The following ATP2C1 variants were observed in gnomAD, a reference collection of about 807,000 sequenced individuals.
The protein encoded by ATP2C1 is ATPase secretory pathway Ca2+ transporting 1, also known as calcium-transporting ATPase type 2C member 1.
In ATP2C1, 31 loss-of-function variants were observed where a neutral mutation model predicts 120.5. The observed-to-expected ratio is 0.26, with a 90% CI of 0.19 to 0.35. The LOEUF is 0.35. Ranked by LOEUF, ATP2C1 falls within the 10% of genes least tolerant of loss-of-function variation. The pLI is 1.00. For synonymous variants in ATP2C1, 351 were observed against 358.7 expected (o/e 0.98, Z 0.24); for missense variants, 731 against 1,107.5 (o/e 0.66, Z 4.83).
At chr3:130,924,808 G>A (rs1207430639) in intron 2 of ATP2C1, among the ~76,000 whole-genome samples, 3 of 151,788 alleles carry the variant, frequency 2.0e-5, no homozygotes, top group Non-Finnish European at 4.4e-5. Context: ...GGGTTAATTC[G>A]AAAGCATTGT....
At chr3:130,950,140 A>C (rs2060309133) in intron 8 of ATP2C1, among the ~76,000 whole-genome samples, 1 of 152,104 alleles carries the variant, frequency 6.6e-6, no homozygotes, top group Non-Finnish European at 1.5e-5. Flanking sequence ...TATGGGAATA[A>C]TAATCTTGTG....
upstream of ATP2C1, among the ~76,000 whole-genome samples, chr3:130,890,620 G>A (rs1459007816): frequency 6.6e-6 from 1 of 152,192 alleles, no homozygotes; most frequent in South Asian, 2.1e-4. Flanking sequence ...CTGGATCTGG[G>A]TGCTATTAAA....
chr3:130,914,036 C>T (rs970501103), intron 2 of ATP2C1, among the ~76,000 whole-genome samples: 1 of 152,166 alleles, frequency 6.6e-6, no homozygotes, highest in African/African-American at 2.4e-5. Context: ...AGCAGCTTAA[C>T]GGGCAAACCT....
chr3:130,911,410 C>T (rs1304966303), intron 2 of ATP2C1, among the ~76,000 whole-genome samples: 1 of 150,792 alleles, frequency 6.6e-6, no homozygotes, highest in Non-Finnish European at 1.5e-5. Context: ...CTCCTGGATT[C>T]ATTGATTTTT....
At chr3:130,902,766 G>A (rs2057922573) in intron 2 of ATP2C1, among the ~76,000 whole-genome samples, 2 of 151,752 alleles carry the variant, frequency 1.3e-5, no homozygotes, top group South Asian at 2.1e-4. Flanking sequence ...TCTTCATTAG[G>A]TGGCTTTCTT....
At chr3:130,915,150 A>G (rs913171611) in intron 2 of ATP2C1, among the ~76,000 whole-genome samples, 4 of 151,564 alleles carry the variant, frequency 2.6e-5, no homozygotes, top group Middle Eastern at 3.2e-3. Context: ...CTGGAGTGCA[A>G]TGGCGTGATC....
chr3:130,997,519 C>T (rs1026141792), intron 24 of ATP2C1, 87 bp from the exon 25 acceptor site: 7 of 1,253,784 alleles, frequency 5.6e-6, no homozygotes, highest in African/African-American at 3.0e-5. Context: ...TTTAGTTTGC[C>T]GAATAATTGA....
chr3:130,891,051 T>A (rs978821209), upstream of ATP2C1, among the ~76,000 whole-genome samples: 1 of 152,174 alleles, frequency 6.6e-6, no homozygotes, highest in African/African-American at 2.4e-5. Context: ...CACTCCAGCC[T>A]CAGCGACAGA....
At chr3:131,013,296 A>ATATC (rs2063408336) in intron 26 of ATP2C1, among the ~76,000 whole-genome samples, 1 of 152,174 alleles carries the variant, frequency 6.6e-6, no homozygotes, top group African/African-American at 2.4e-5. Context: ...CATGATATGT[A>ATATC]TATCTGATAT....
At position 130,953,753 on chromosome 3, in the gene ATP2C1, GGT is replaced by G; in HGVS notation, c.532-67_532-66del. 2.6e-6 allele frequency: 4 copies of G among 1,519,428 alleles called. No homozygotes were observed. The South Asian group carries it at 4.5e-5, about 17-fold the overall frequency. The allele number at this position is 1,519,428 out of a possible 1,614,324, so 94.1% of individuals were successfully genotyped here. A position where few individuals can be genotyped will look rare whatever the true frequency, so the allele number is the denominator to read the frequency against. On this transcript the variant is annotated intron_variant, in intron 8 of 27. Coordinates refer to ENST00000510168, the MANE Select transcript of ATP2C1 (RefSeq NM_001378687.1). ...GGATGTTTGAGGAAGAAGTGATGAT[GGT>G]TATGAACTCTAGAGATGTTAAATGT...
intron 1 of ATP2C1, among the ~76,000 whole-genome samples, chr3:130,867,447 G>C (rs1288110613): frequency 6.6e-6 from 1 of 150,978 alleles, no homozygotes; most frequent in Non-Finnish European, 1.5e-5. Flanking sequence ...GTGCCGCCAC[G>C]CCTGACTGGT....
chr3:130,979,453 GT>G (rs1168339264), intron 19 of ATP2C1, 34 bp downstream of exon 19: 1 of 1,605,220 alleles, frequency 6.2e-7, no homozygotes, highest in East Asian at 2.2e-5. Context: ...GTTTTCGATA[GT>G]TTTTCTTAAA....
intron 1 of ATP2C1, among the ~76,000 whole-genome samples, chr3:130,856,997 G>A (rs2067863132): frequency 6.6e-6 from 1 of 152,230 alleles, no homozygotes; most frequent in East Asian, 1.9e-4. Context: ...ATAGAGGACA[G>A]AGAGTCTATG....
downstream of ATP2C1, among the ~76,000 whole-genome samples, chr3:131,004,794 A>G (rs984895683): frequency 6.6e-6 from 1 of 152,236 alleles, no homozygotes; most frequent in Non-Finnish European, 1.5e-5. Flanking sequence ...GGTAGGGGCT[A>G]TAAGGAATCT....
rs1477263603 is a variant in ATP2C1, at chr3:131,002,316, G to A, written c.*966G>A. The A allele has an allele frequency of 8.8e-5, 87 of 983,882 alleles. No individual in the cohort carries two copies. The highest frequency in any genetic ancestry group is 9.8e-5 in the Non-Finnish European group (81 of 828,692). The allele number at this position is 983,882 out of a possible 1,614,324, so 60.9% of individuals were successfully genotyped here. A position where few individuals can be genotyped will look rare whatever the true frequency, so the allele number is the denominator to read the frequency against. ...TGTTTTTAATCATATTTCTTAGGAA[G>A]TATAGGCTACTGGACTTAGAATAAA... is the stretch of plus-strand genomic sequence containing the variant. On this transcript the variant is annotated 3_prime_UTR_variant, in exon 28 of 28. Transcript: ENST00000510168.
chr3:130,959,247 G>A (rs188560498), intron 11 of ATP2C1, 28 bp from the exon 12 acceptor site: 5 of 1,561,912 alleles, frequency 3.2e-6, no homozygotes, highest in Non-Finnish European at 3.5e-6. Flanking sequence ...ATGTAAAAGG[G>A]AAAAATAACT....
chr3:130,937,291 T>C (rs1416735022), intron 5 of ATP2C1, 137 bp from the exon 6 acceptor site: 1 of 755,476 alleles, frequency 1.3e-6, no homozygotes, highest in Admixed American at 2.2e-5. Flanking sequence ...TAAGGTAAAG[T>C]TGTGATTTCT....
chr3:130,997,756 A>G lies in ATP2C1; in HGVS notation c.2391+3A>G. 1 of 1,613,250 alleles carries G rather than the reference A, an allele frequency of 6.2e-7. No individual in the cohort carries two copies. The highest frequency in any genetic ancestry group is 2.2e-5 in the East Asian group (1 of 44,840). On this transcript the variant is annotated splice_donor_region_variant and intron_variant, in intron 25 of 27. Transcript: ENST00000510168. ...CTTTGTTTGTCTTCTGGCGTGAGGT[A>G]TATTCACTGGCCAAGCTGCTATATT...
chr3:131,007,100 C>G (rs149148647), downstream of ATP2C1, among the ~76,000 whole-genome samples: 300 of 152,216 alleles, frequency 2.0e-3, no homozygotes, highest in African/African-American at 7.0e-3. Context: ...ATTTGGTGAT[C>G]TCTTTCATTC....
Sources: gnomAD v4.1 joint callset for allele counts (sites outside exome capture counted in the v4.1 genomes callset) on GRCh38, gnomAD v4.1.1 for gene constraint, MANE v1.5 for transcripts, NCBI Gene and HGNC (gene_info 2026-07-23, HGNC 2026-07-21) for gene names.